Variants in CNTN5 observed in about 807,000 individuals in gnomAD.
CNTN5 encodes contactin-5.
A neutral mutation model predicts 129.1 loss-of-function variants in CNTN5; 77 were observed. That is an observed-to-expected ratio of 0.60 (90% CI 0.50 to 0.72). The LOEUF (loss-of-function observed/expected upper bound fraction) is 0.72. Among genes scored for constraint, CNTN5 ranks in the 30% least tolerant of loss-of-function variants. The probability of loss-of-function intolerance (pLI) is 0.00; values close to 1 mark genes in which losing one functional copy is unlikely to be tolerated. For missense variants in CNTN5, 1,478 were observed against 1,328.8 expected, an observed-to-expected ratio of 1.11 and a Z score of -1.75; for synonymous variants, 509 against 465.6, an observed-to-expected ratio of 1.09 and a Z score of -1.20.
At chr11:99,255,547 T>C (rs981178493) in intron 1 of CNTN5, among the ~76,000 whole-genome samples, 3 of 151,498 alleles carry the variant, frequency 2.0e-5, no homozygotes, top group Non-Finnish European at 4.4e-5. Flanking sequence ...AAATCTAAGA[T>C]TGCTATCATT....
chr11:99,422,510 TTATATTTTTATATATATATATATA>T (rs1188435785), intron 2 of CNTN5, among the ~76,000 whole-genome samples: 2 of 61,180 alleles, frequency 3.3e-5, no homozygotes, highest in South Asian at 1.0e-3. Context: ...TCATGTTACT[TTATATTTTTATATATATATATATA>T]TATATATATA....
chr11:100,258,683 T>C (rs1950130282), intron 17 of CNTN5, among the ~76,000 whole-genome samples: 1 of 152,230 alleles, frequency 6.6e-6, no homozygotes, highest in South Asian at 2.1e-4. Context: ...GAATTTCATA[T>C]CCAGCCAAAC....
intron 3 of CNTN5, among the ~76,000 whole-genome samples, chr11:99,615,153 T>G (rs1056112676): frequency 4.0e-5 from 6 of 150,780 alleles, no homozygotes; most frequent in African/African-American, 1.5e-4. Context: ...AAGAAAAAAT[T>G]TACCAAGATT....
chr11:99,133,383 A>AG (rs1366027089), intron 1 of CNTN5, among the ~76,000 whole-genome samples: 1 of 151,544 alleles, frequency 6.6e-6, no homozygotes, highest in Non-Finnish European at 1.5e-5. Flanking sequence ...AGCAATTGCA[A>AG]AAAAAAGGAA....
At chr11:99,489,300 T>TA (rs1190586891) in intron 2 of CNTN5, among the ~76,000 whole-genome samples, 1 of 152,164 alleles carries the variant, frequency 6.6e-6, no homozygotes, top group African/African-American at 2.4e-5. Context: ...TGTAACTGGA[T>TA]AAAAATCAGC....
At chr11:99,704,979 C>T (rs1210535534) in intron 3 of CNTN5, among the ~76,000 whole-genome samples, 2 of 151,210 alleles carry the variant, frequency 1.3e-5, no homozygotes, top group Admixed American at 6.6e-5. Context: ...GTCATTTGGA[C>T]TCCGTTAGAT....
chr11:99,181,343 G>A (rs1024870465), intron 1 of CNTN5, among the ~76,000 whole-genome samples: 2 of 152,152 alleles, frequency 1.3e-5, no homozygotes, highest in South Asian at 2.1e-4. Context: ...AGTAACAAAG[G>A]TGCTGTGTCT....
At chr11:99,121,546 G>C (rs1484063536) in intron 1 of CNTN5, among the ~76,000 whole-genome samples, 1 of 152,054 alleles carries the variant, frequency 6.6e-6, no homozygotes, top group Non-Finnish European at 1.5e-5. Context: ...AACAGTCTCA[G>C]CCTCCCAGGG....
At chr11:99,642,358 C>A (rs533396326) in intron 3 of CNTN5, among the ~76,000 whole-genome samples, 1 of 152,138 alleles carries the variant, frequency 6.6e-6, no homozygotes, top group South Asian at 2.1e-4. Flanking sequence ...TTCTTAATAT[C>A]TTTCAAGTTG....
chr11:99,817,129 G>T (rs182510007), intron 3 of CNTN5, among the ~76,000 whole-genome samples: 1 of 152,028 alleles, frequency 6.6e-6, no homozygotes, highest in Non-Finnish European at 1.5e-5. Context: ...CCACTAGATC[G>T]TAGCTCCTTG....
chr11:99,411,268 C>A (rs1014380631), intron 2 of CNTN5, among the ~76,000 whole-genome samples: 1 of 152,184 alleles, frequency 6.6e-6, no homozygotes, highest in Non-Finnish European at 1.5e-5. Context: ...TAGCTCACAC[C>A]TGCAATCCCA....
chr11:99,198,053 T>C (rs562472254), intron 1 of CNTN5, among the ~76,000 whole-genome samples: 1 of 152,232 alleles, frequency 6.6e-6, no homozygotes, highest in African/African-American at 2.4e-5. Flanking sequence ...GCTCTTTCTA[T>C]TCCCAGCTCA....
chr11:100,266,842 A>T (rs1950313760), intron 17 of CNTN5, among the ~76,000 whole-genome samples: 1 of 152,078 alleles, frequency 6.6e-6, no homozygotes, highest in Admixed American at 6.6e-5. Flanking sequence ...GCCAATTCTG[A>T]TCACACTAGG....
At chr11:99,560,276 A>ATTATTATTT (rs1375696306) in intron 3 of CNTN5, among the ~76,000 whole-genome samples, 31 of 144,702 alleles carry the variant, frequency 2.1e-4, no homozygotes, top group African/African-American at 7.7e-4. Flanking sequence ...CTGTATTATT[A>ATTATTATTT]TTATTATTAT....
chr11:99,468,937 T>A (rs905821194), intron 2 of CNTN5, among the ~76,000 whole-genome samples: 5 of 152,108 alleles, frequency 3.3e-5, no homozygotes, highest in African/African-American at 1.2e-4. Context: ...AAACTAGGAT[T>A]AACGGAAAAA....
intron 7 of CNTN5, among the ~76,000 whole-genome samples, 184 bp from the exon 8 acceptor site, chr11:99,956,622 A>G (rs764854895): frequency 4.6e-5 from 7 of 152,216 alleles, no homozygotes; most frequent in Non-Finnish European, 8.8e-5. Context: ...GAAATATTTC[A>G]GATCTCACCG....
intron 8 of CNTN5, among the ~76,000 whole-genome samples, chr11:99,975,822 C>G (rs879705692): frequency 6.6e-6 from 1 of 152,114 alleles, no homozygotes; most frequent in Admixed American, 6.6e-5. Context: ...GCGGCCCCTC[C>G]CAAATCTCAT....
chr11:99,202,704 C>T (rs1423830408), intron 1 of CNTN5, among the ~76,000 whole-genome samples: 2 of 150,798 alleles, frequency 1.3e-5, no homozygotes, highest in African/African-American at 2.4e-5. Flanking sequence ...AAACACAGTC[C>T]AAAAACAAAA....
chr11:100,204,658 T>C (rs1202504497), intron 15 of CNTN5, among the ~76,000 whole-genome samples: 1 of 151,456 alleles, frequency 6.6e-6, no homozygotes, highest in East Asian at 2.0e-4. Context: ...TTATAGAATA[T>C]TATCAGTGAT....
Sources: gnomAD v4.1 joint callset for allele counts (sites outside exome capture counted in the v4.1 genomes callset) on GRCh38, gnomAD v4.1.1 for gene constraint, MANE v1.5 for transcripts, NCBI Gene and HGNC (gene_info 2026-07-23, HGNC 2026-07-21) for gene names.